Variants in ITGBL1 observed in about 807,000 individuals in gnomAD.
ITGBL1 encodes the protein integrin subunit beta like 1.
Under a neutral mutation model 68.5 loss-of-function variants are expected in ITGBL1, and 51 were observed. The ratio of observed to expected loss-of-function variants is 0.74; its 90% CI spans 0.59 to 0.94. The LOEUF is 0.94. Ranked by LOEUF, ITGBL1 falls within the 40% of genes least tolerant of loss-of-function variation. The pLI is 0.00. For missense variants in ITGBL1, 649 were observed against 647.4 expected, an observed-to-expected ratio of 1.00 and a Z score of -0.03; for synonymous variants, 209 against 227.3, an observed-to-expected ratio of 0.92 and a Z score of 0.72.
intron 5 of ITGBL1, among the ~76,000 whole-genome samples, chr13:101,583,013 A>G (rs1001906196): frequency 5.9e-5 from 9 of 152,240 alleles, no homozygotes; most frequent in Non-Finnish European, 8.8e-5. Flanking sequence ...TCACATAATT[A>G]TAGAATAGAT....
At chr13:101,507,878 AGG>A (rs2097608448) in intron 2 of ITGBL1, among the ~76,000 whole-genome samples, 1 of 152,216 alleles carries the variant, frequency 6.6e-6, no homozygotes. Context: ...GATTGTACAT[AGG>A]GCATTGCTCG....
In ITGBL1 at chr13:101,633,803, C is replaced by T. The variant is rs373041441; in HGVS notation, c.1015+35504C>T. ...GAAAAAATCCACAAATAGTCTATAT[C>T]TCATACCTGGTGTCAGGTATTGGGA... is the stretch of plus-strand genomic sequence containing the variant. On this transcript the variant is annotated intron_variant, in intron 7 of 10. Coordinates refer to ENST00000376180, the MANE Select transcript of ITGBL1 (RefSeq NM_004791.3). Among the ~76,000 whole-genome samples the T allele has an allele frequency of 1.4e-4, 21 of 152,112 alleles. No individual in the cohort carries two copies. The East Asian group carries it at 1.9e-3, about 14-fold the overall frequency.
intron 2 of ITGBL1, among the ~76,000 whole-genome samples, chr13:101,505,580 A>G (rs1277019587): frequency 5.3e-5 from 8 of 152,160 alleles, no homozygotes. Flanking sequence ...GTCTTATTCA[A>G]TCTTTATTGA....
chr13:101,628,816 A>T (rs1234672133), intron 7 of ITGBL1, among the ~76,000 whole-genome samples: 4 of 151,694 alleles, frequency 2.6e-5, no homozygotes, highest in Non-Finnish European at 5.9e-5. Flanking sequence ...TGTTCTGTGG[A>T]TAGTTTAGAG....
intron 7 of ITGBL1, among the ~76,000 whole-genome samples, chr13:101,630,307 CAAAT>C (rs1042083265): frequency 6.6e-6 from 1 of 151,964 alleles, no homozygotes; most frequent in African/African-American, 2.4e-5. Context: ...AAATAAATGA[CAAAT>C]CATTCAATAT....
At chr13:101,704,750 A>G (rs1002824630) in intron 8 of ITGBL1, among the ~76,000 whole-genome samples, 27 of 152,328 alleles carry the variant, frequency 1.8e-4, no homozygotes, top group African/African-American at 6.5e-4. Context: ...CAGAGGAACT[A>G]GAGTCAGTTC....
intron 8 of ITGBL1, among the ~76,000 whole-genome samples, chr13:101,697,743 GAA>G (rs1290871837): frequency 1.3e-5 from 2 of 152,188 alleles, no homozygotes; most frequent in Non-Finnish European, 2.9e-5. Flanking sequence ...TTTATGGAAA[GAA>G]AGAGACATAA....
chr13:101,712,521 G>A (rs2034516404), intron 9 of ITGBL1: 1 of 152,086 alleles, frequency 6.6e-6, no homozygotes, highest in Non-Finnish European at 1.5e-5. Flanking sequence ...CATGAATTGT[G>A]ACATATATAA....
At chr13:101,671,470 G>A (rs540190548) in intron 7 of ITGBL1, among the ~76,000 whole-genome samples, 257 of 110,440 alleles carry the variant, frequency 2.3e-3, no homozygotes, top group African/African-American at 7.5e-3. Context: ...ACGGAGTCTC[G>A]CTCTGTCGCC....
At chr13:101,455,957 C>T (rs3916910) in intron 2 of ITGBL1, among the ~76,000 whole-genome samples, 95,983 of 151,936 alleles carry the variant, frequency 0.63, 31,460 homozygotes, top group Non-Finnish European at 0.73. Flanking sequence ...TTGTGAGTGT[C>T]GTCAGATTCA....
intron 7 of ITGBL1, among the ~76,000 whole-genome samples, chr13:101,605,392 AT>A (rs1383349227): frequency 8.5e-6 from 1 of 117,612 alleles, no homozygotes; most frequent in Non-Finnish European, 1.8e-5. Flanking sequence ...ATATATGGGC[AT>A]GTATGTGTGT....
chr13:101,609,891 TAGGAATTG>T (rs2031043195), intron 7 of ITGBL1, among the ~76,000 whole-genome samples: 1 of 152,178 alleles, frequency 6.6e-6, no homozygotes, highest in Non-Finnish European at 1.5e-5. Context: ...GTATCAAAGA[TAGGAATTG>T]ATCCAAATAA....
chr13:101,504,995 T>C (rs1198809802), intron 2 of ITGBL1, among the ~76,000 whole-genome samples: 1 of 152,182 alleles, frequency 6.6e-6, no homozygotes, highest in Non-Finnish European at 1.5e-5. Context: ...CAGCAGGTCA[T>C]CTCTCCAGGA....
chr13:101,563,858 G>A, intron 2 of ITGBL1, among the ~76,000 whole-genome samples: 1 of 151,720 alleles, frequency 6.6e-6, no homozygotes, highest in South Asian at 2.1e-4. Context: ...AAAACTGCAT[G>A]CCAGTATGAT....
intron 7 of ITGBL1, among the ~76,000 whole-genome samples, chr13:101,664,287 T>C (rs138820031): frequency 1.4e-4 from 22 of 152,318 alleles, no homozygotes; most frequent in African/African-American, 5.3e-4. Flanking sequence ...TCAGATCAGA[T>C]AGCATCATCC....
intron 2 of ITGBL1, among the ~76,000 whole-genome samples, chr13:101,462,806 C>T (rs2048335240): frequency 6.6e-6 from 1 of 152,308 alleles, no homozygotes; most frequent in East Asian, 1.9e-4. Context: ...TGGTCTCTAA[C>T]TTCTGACCTC....
At chr13:101,696,050 G>A (rs970614480) in intron 8 of ITGBL1, among the ~76,000 whole-genome samples, 5 of 152,146 alleles carry the variant, frequency 3.3e-5, no homozygotes, top group African/African-American at 1.2e-4. Context: ...AGCCAGAAAA[G>A]CCTCAACATC....
rs192548236 is a variant in ITGBL1 at position 101,482,780 on chromosome 13, G to A, written c.316+28680G>A. ...ATAATAGAAAACCCAAGCCAAGGGT[G>A]TGTAAGGAAAAAAATTGCAATTTAC... On this transcript the variant is annotated intron_variant, in intron 2 of 10. Coordinates refer to ENST00000376180, the MANE Select transcript of ITGBL1 (RefSeq NM_004791.3). Among the ~76,000 whole-genome samples the A allele has an allele frequency of 4.6e-3, 697 of 152,194 alleles. 4 individuals are homozygous for A. Among genetic ancestry groups the A allele is most frequent in the Non-Finnish European group, 5.2e-3 (351 of 67,996 alleles).
intron 2 of ITGBL1, among the ~76,000 whole-genome samples, chr13:101,540,454 A>G (rs1323721566): frequency 6.6e-6 from 1 of 152,146 alleles, no homozygotes; most frequent in South Asian, 2.1e-4. Flanking sequence ...TGGTTACTAT[A>G]GCCTTGTAGT....
Sources: gnomAD v4.1 joint callset for allele counts (sites outside exome capture counted in the v4.1 genomes callset) on GRCh38, gnomAD v4.1.1 for gene constraint, MANE v1.5 for transcripts, NCBI Gene and HGNC (gene_info 2026-07-23, HGNC 2026-07-21) for gene names.